Variants in HEBP2 observed in about 807,000 individuals in gnomAD.
HEBP2 encodes heme binding protein 2.
Under a neutral mutation model 23.1 loss-of-function variants are expected in HEBP2, and 27 were observed. The observed-to-expected ratio is 1.17, with a 90% CI of 0.86 to 1.61. HEBP2 has a LOEUF of 1.61. HEBP2 is among the 40% of genes most tolerant of loss of function. The pLI is 0.00. For missense variants in HEBP2, 245 were observed against 253.8 expected, an observed-to-expected ratio of 0.97 and a Z score of 0.24; for synonymous variants, 99 against 95.1, an observed-to-expected ratio of 1.04 and a Z score of -0.24.
At chr6:138,410,479 C>CTTT (rs59336303) in intron 3 of HEBP2, among the ~76,000 whole-genome samples, 4 of 134,892 alleles carry the variant, frequency 3.0e-5, no homozygotes, top group African/African-American at 5.5e-5. Context: ...ATGTTTCTTT[C>CTTT]TTTTTTTTTT....
At chr6:138,405,497 TG>T (rs1774628904) in intron 2 of HEBP2, among the ~76,000 whole-genome samples, 1 of 152,198 alleles carries the variant, frequency 6.6e-6, no homozygotes, top group African/African-American at 2.4e-5. Context: ...AACTGGGGTT[TG>T]GTGTAACTCG....
rs532912180 is a variant in HEBP2, at chr6:138,404,286, G to A, written c.-210G>A. 4 of 333,768 alleles carry A rather than the reference G, an allele frequency of 1.2e-5. No homozygotes were observed. Among genetic ancestry groups the A allele is most frequent in the Non-Finnish European group, 2.2e-5 (4 of 185,392 alleles). The allele number at this position is 333,768 out of a possible 1,614,324, so 20.7% of individuals were successfully genotyped here. A position where few individuals can be genotyped will look rare whatever the true frequency, so the allele number is the denominator to read the frequency against. ...TCCGGCCGGAGCTGTCCGGGGTCGT[G>A]AGCCGGCCCCGCCTTGGTGGCGGCG... is the stretch of plus-strand genomic sequence containing the variant. On this transcript the variant is annotated 5_prime_UTR_variant, in exon 1 of 4. Transcript: ENST00000607197.
chr6:138,409,862 C>T (rs376405425), intron 3 of HEBP2, among the ~76,000 whole-genome samples: 2 of 152,196 alleles, frequency 1.3e-5, no homozygotes, highest in African/African-American at 2.4e-5. Flanking sequence ...ACCTCAGGCA[C>T]GTTAGTCCAC....
At position 138,418,275 on chromosome 6, in the gene HEBP2, T is replaced by C. The variant is rs1289019903; in HGVS notation, c.*5197T>C. The C allele has an allele frequency of 1.3e-5, 2 of 151,858 alleles. No homozygotes were observed. The highest frequency in any genetic ancestry group is 6.6e-5 in the Admixed American group (1 of 15,240). The allele number at this position is 151,858 out of a possible 1,614,324, so 9.4% of individuals were successfully genotyped here. ...TGTGGCAGATCTTATGTATTGGAGG[T>C]AGGGGGAAAGAAGATGCAGTGTGGA... On this transcript the variant is annotated 3_prime_UTR_variant, in exon 4 of 4. Transcript: ENST00000607197.
chr6:138,411,698 C>T (rs1297647377), intron 3 of HEBP2, among the ~76,000 whole-genome samples: 2 of 152,186 alleles, frequency 1.3e-5, no homozygotes, highest in African/African-American at 4.8e-5. Flanking sequence ...TGGCTTATGC[C>T]TATAATCCCA....
At chr6:138,405,067 A>C in intron 1 of HEBP2, 78 bp from the exon 2 acceptor site, 1 of 1,510,018 alleles carries the variant, frequency 6.6e-7, no homozygotes, top group Non-Finnish European at 9.0e-7. Flanking sequence ...TCGACCCGAG[A>C]TCATGGCACC....
chr6:138,412,931 A>G lies in HEBP2; in HGVS notation c.471A>G (p.Thr157=), dbSNP rs1003490724. ...SAQKNQEQLL[T]LASILREDGK... is the part of the protein sequence containing the mutation. ...AAAAGAATCAAGAACAACTTTTGAC[A>G]TTAGCAAGCATTTTAAGGGAAGATG... is the stretch of plus-strand genomic sequence containing the variant. Residue 157 remains threonine, a synonymous_variant, in exon 4 of 4, where the codon ACA becomes ACG. Transcript: ENST00000607197. 1 of 1,614,188 alleles carries G rather than the reference A, an allele frequency of 6.2e-7. No individual in the cohort carries two copies. The highest frequency in any genetic ancestry group is 1.1e-5 in the South Asian group (1 of 91,086).
In HEBP2 at chr6:138,404,541, G is replaced by T. The variant is rs1774601712; in HGVS notation, c.46G>T (p.Ala16Ser). The T allele has an allele frequency of 1.5e-6, 2 of 1,310,710 alleles. No homozygotes were observed. Among genetic ancestry groups the T allele is most frequent in the South Asian group, 2.1e-5 (1 of 47,312 alleles). 81.2% of individuals were successfully genotyped at this position (1,310,710 alleles called of 1,614,324 possible). A position where few individuals can be genotyped will look rare whatever the true frequency, so the allele number is the denominator to read the frequency against. The change falls in exon 1 of 4, where the codon GCG becomes TCG. Residue 16 changes from alanine (A) to serine (S), a missense_variant. By Grantham distance (99) the Ala-to-Ser change is moderately conservative. Coordinates refer to ENST00000607197, the MANE Select transcript of HEBP2 (RefSeq NM_014320.3). Reference sequence around the variant, plus strand: ...AGACCCCGGGGCGGCCGAGGACGCGGCGGCCCAAGCTGTGGAGACGCCGGG... The same window carrying T: ...AGACCCCGGGGCGGCCGAGGACGCGTCGGCCCAAGCTGTGGAGACGCCGGG... ...QPDPGAAEDA[A>S]AQAVETPGWK...
At chr6:138,406,443 CT>C (rs984147679) in intron 3 of HEBP2, among the ~76,000 whole-genome samples, 6 of 152,168 alleles carry the variant, frequency 3.9e-5, no homozygotes, top group Non-Finnish European at 8.8e-5. Context: ...ACAAAAATAC[CT>C]TAAAACAGAA....
chr6:138,403,761 T>C (rs796454678), upstream of HEBP2: 27 of 403,848 alleles, frequency 6.7e-5, no homozygotes, highest in African/African-American at 5.3e-4. Context: ...CCGAGTCTCG[T>C]TAAGCCTGCG....
At position 138,420,876 on chromosome 6, in the gene HEBP2, A is replaced by G. The variant is rs953449212; in HGVS notation, c.*7798A>G. ...TTGAAGAATCTAAACTGGCAGTAGGATCATGCCCCTCACTGATAGCTCAAC... is the reference window on the plus strand; with the variant it reads ...TTGAAGAATCTAAACTGGCAGTAGGGTCATGCCCCTCACTGATAGCTCAAC... On this transcript the variant is annotated 3_prime_UTR_variant, in exon 4 of 4. Transcript: ENST00000607197. The G allele has an allele frequency of 6.6e-6, 1 of 152,192 alleles. No homozygotes were observed. Among genetic ancestry groups the G allele is most frequent in the Non-Finnish European group, 1.5e-5 (1 of 68,044 alleles). 9.4% of individuals were successfully genotyped at this position (152,192 alleles called of 1,614,324 possible). A position where few individuals can be genotyped will look rare whatever the true frequency, so the allele number is the denominator to read the frequency against.
At chr6:138,405,936 A>G (rs754640189) in intron 2 of HEBP2, 35 bp from the exon 3 acceptor site, 9 of 1,578,604 alleles carry the variant, frequency 5.7e-6, no homozygotes, top group Admixed American at 1.8e-5. Context: ...AGCTGTCAAA[A>G]ATACACTAAA....
intron 3 of HEBP2, among the ~76,000 whole-genome samples, chr6:138,407,746 G>T (rs1355087898): frequency 6.6e-6 from 1 of 152,196 alleles, no homozygotes; most frequent in African/African-American, 2.4e-5. Context: ...ATCCTTCAAG[G>T]TGGAGGTAGC....
At chr6:138,404,214 G>C (rs1583100248), upstream of HEBP2, 2 of 300,314 alleles carry the variant, frequency 6.7e-6, no homozygotes, top group Middle Eastern at 9.0e-4. Flanking sequence ...GCCGAAGCGA[G>C]GTGCGGCTCC....
In HEBP2 at chr6:138,405,330, G is replaced by A. The variant is rs762776868; in HGVS notation, c.238+50G>A. 2.5e-6 allele frequency: 4 copies of A among 1,602,254 alleles called. No individual in the cohort carries two copies. In the African/African-American group the frequency reaches 5.4e-5, roughly 22 times the overall value. On this transcript the variant is annotated intron_variant, in intron 2 of 3. Coordinates refer to ENST00000607197, the MANE Select transcript of HEBP2 (RefSeq NM_014320.3). ...ATGCATATTGTGAAAGAGTCCCCGG[G>A]CTTATTATTGAGTTTTAGCTTATTA...
intron 3 of HEBP2, among the ~76,000 whole-genome samples, chr6:138,411,923 CAGAG>C (rs1224292653): frequency 2.6e-5 from 4 of 152,080 alleles, no homozygotes; most frequent in Non-Finnish European, 5.9e-5. Flanking sequence ...GGGCAACAGA[CAGAG>C]TGAGACTCTG....
At chr6:138,406,758 A>C (rs540092131) in intron 3 of HEBP2, among the ~76,000 whole-genome samples, 3 of 152,288 alleles carry the variant, frequency 2.0e-5, no homozygotes, top group Admixed American at 1.3e-4. Flanking sequence ...AGGTTTTCAA[A>C]ATATGAATTT....
rs894261680 is a variant in HEBP2, at chr6:138,417,540, G to C, written c.*4462G>C. 3 of 152,342 alleles carry C rather than the reference G, an allele frequency of 2.0e-5. No individual in the cohort carries two copies. Among genetic ancestry groups the C allele is most frequent in the African/African-American group, 7.2e-5 (3 of 41,464 alleles). 9.4% of individuals were successfully genotyped at this position (152,342 alleles called of 1,614,324 possible). ...TCTCTGCGAGAAGGGGGAATAATGA[G>C]GTGAGTCCAGTGATTGCTCAGGCGA... is the stretch of plus-strand genomic sequence containing the variant. On this transcript the variant is annotated 3_prime_UTR_variant, in exon 4 of 4. Transcript: ENST00000607197.
At chr6:138,405,039 A>T in intron 1 of HEBP2, 106 bp from the exon 2 acceptor site, 1 of 1,266,752 alleles carries the variant, frequency 7.9e-7, no homozygotes, top group Non-Finnish European at 1.1e-6. Flanking sequence ...TGCAGCCCCT[A>T]GACAGGACGG....
Sources: allele counts gnomAD v4.1 joint callset (sites outside exome capture counted in the v4.1 genomes callset), GRCh38; gene constraint gnomAD v4.1.1; transcripts MANE v1.5; gene names NCBI Gene and HGNC (gene_info 2026-07-23, HGNC 2026-07-21).